Variants in SEM1 observed in about 807,000 individuals in gnomAD.
SEM1 encodes the protein 26S proteasome complex subunit SEM1.
In SEM1, 3 loss-of-function variants were observed where a neutral mutation model predicts 12.7. The ratio of observed to expected loss-of-function variants is 0.24; its 90% CI spans 0.11 to 0.61. The LOEUF (loss-of-function observed/expected upper bound fraction) is 0.61, where lower values mean the gene tolerates loss of function less well. Among genes scored for constraint, SEM1 ranks in the 20% least tolerant of loss-of-function variants. The pLI is 0.88. For missense variants in SEM1, 59 were observed against 81.3 expected (o/e 0.73, Z 1.06); for synonymous variants, 30 against 27.8 (o/e 1.08, Z -0.25).
chr7:96,571,396 G>C (rs188483071), intron 2 of SEM1, among the ~76,000 whole-genome samples: 138 of 151,952 alleles, frequency 9.1e-4, no homozygotes, highest in Admixed American at 4.6e-3. Flanking sequence ...TGTATGGAAG[G>C]GTTCCAGTTT....
In SEM1 at chr7:96,489,993, C is replaced by T. The variant is rs188707565; in HGVS notation, c.13-3576G>A. 2.2e-3 allele frequency among the ~76,000 whole-genome samples: 340 copies of T among 152,148 alleles called. 11 individuals are homozygous for T. The highest frequency in any genetic ancestry group is 0.022 in the Admixed American group (335 of 15,262). On this transcript the variant is annotated intron_variant, in intron 1 of 3. Coordinates refer to the SEM1 transcript ENST00000356686. ...AGGTTCTTGGTGGACATGAATTGTG[C>T]AGGGGCATTGTGAGGAGACACACTA...
intron 2 of SEM1, among the ~76,000 whole-genome samples, chr7:96,611,062 C>T (rs944015587): frequency 6.6e-6 from 1 of 152,154 alleles, no homozygotes; most frequent in Non-Finnish European, 1.5e-5. Flanking sequence ...GAAGTTGACA[C>T]AACACCCAGA....
intron 2 of SEM1, among the ~76,000 whole-genome samples, chr7:96,555,940 T>C (rs1383319352): frequency 1.4e-5 from 2 of 145,032 alleles, no homozygotes; most frequent in Non-Finnish European, 3.1e-5. Context: ...TTTACCATTA[T>C]GTAATGGCCT....
At chr7:96,505,010 A>C (rs1322009408) in intron 3 of SEM1, among the ~76,000 whole-genome samples, 1 of 151,818 alleles carries the variant, frequency 6.6e-6, no homozygotes, top group East Asian at 1.9e-4. Context: ...TATTAGCTGG[A>C]TCTAGCTTTC....
At position 96,611,988 on chromosome 7, in the gene SEM1, A is replaced by AC. The variant is rs538330182; in HGVS notation, c.170+82809dup. Among the ~76,000 whole-genome samples, 99 of 141,482 alleles carry AC rather than the reference A, an allele frequency of 7.0e-4. 1 individual carries two copies. Among genetic ancestry groups the AC allele is most frequent in the Non-Finnish European group, 8.3e-4 (55 of 66,008 alleles). The allele number at this position is 141,482 out of a possible 152,430, so 92.8% of individuals were successfully genotyped here. A position where few individuals can be genotyped will look rare whatever the true frequency, so the allele number is the denominator to read the frequency against. ...CCTCATTTTTTCCTTTCTCTTCCTTACCCCCCCAAATAAAAAAAGCATAGT... is the reference window on the plus strand; with the variant it reads ...CCTCATTTTTTCCTTTCTCTTCCTTACCCCCCCCAAATAAAAAAAGCATAGT... On this transcript the variant is annotated intron_variant and NMD_transcript_variant, in intron 2 of 3. Coordinates refer to the SEM1 transcript ENST00000466986.
At chr7:96,708,638 C>A (rs1017142296) in intron 1 of SEM1, among the ~76,000 whole-genome samples, 10 of 152,196 alleles carry the variant, frequency 6.6e-5, no homozygotes, top group Non-Finnish European at 1.2e-4. Context: ...CTGGCAACAG[C>A]AATCTCACAA....
At chr7:96,679,188 AAC>A (rs1236905321) in intron 2 of SEM1, among the ~76,000 whole-genome samples, 2 of 152,124 alleles carry the variant, frequency 1.3e-5, no homozygotes, top group African/African-American at 4.8e-5. Context: ...AAAAGACATA[AAC>A]ACACATTGTC....
intron 2 of SEM1, among the ~76,000 whole-genome samples, chr7:96,531,673 T>C (rs925227065): frequency 2.6e-5 from 4 of 151,426 alleles, no homozygotes; most frequent in African/African-American, 7.3e-5. Flanking sequence ...AAAGAAAACT[T>C]CCTAAGAGTT....
intron 2 of SEM1, among the ~76,000 whole-genome samples, chr7:96,616,504 T>C (rs563792157): frequency 1.3e-5 from 2 of 152,322 alleles, no homozygotes; most frequent in African/African-American, 2.4e-5. Flanking sequence ...AGGTTACCTG[T>C]TTGCAATGTT....
At chr7:96,675,981 T>C (rs1789441771) in intron 2 of SEM1, among the ~76,000 whole-genome samples, 1 of 152,220 alleles carries the variant, frequency 6.6e-6, no homozygotes, top group Admixed American at 6.5e-5. Flanking sequence ...TGGATTCTGT[T>C]GCAGGCAACC....
At chr7:96,514,456 T>A (rs182814236) in intron 2 of SEM1, among the ~76,000 whole-genome samples, 1 of 152,176 alleles carries the variant, frequency 6.6e-6, no homozygotes, top group Non-Finnish European at 1.5e-5. Flanking sequence ...GATATACAGA[T>A]GGGAAAGAAG....
chr7:96,613,249 C>T (rs1045781828), intron 2 of SEM1, among the ~76,000 whole-genome samples: 1 of 152,120 alleles, frequency 6.6e-6, no homozygotes, highest in Admixed American at 6.5e-5. Context: ...TCTTTTATCC[C>T]AGAGAAAAAG....
rs182306448 is a variant in SEM1, at chr7:96,574,940, C to T, written c.171-68242G>A. 3.2e-3 allele frequency among the ~76,000 whole-genome samples: 483 copies of T among 152,200 alleles called. 2 individuals are homozygous for T. The highest frequency in any genetic ancestry group is 0.011 in the African/African-American group (457 of 41,524). ...TTTAGCTTGGAGGAGTTTGTTATTA[C>T]GTACTTTCTGAAGCCTATTTCTGTC... On this transcript the variant is annotated intron_variant and NMD_transcript_variant, in intron 2 of 3. Transcript: ENST00000466986.
At chr7:96,486,893 T>TGCCCCTGGGAAAGGGAG (rs1217756248) in intron 1 of SEM1, among the ~76,000 whole-genome samples, 1 of 152,188 alleles carries the variant, frequency 6.6e-6, no homozygotes, top group Non-Finnish European at 1.5e-5. Context: ...TCTTCTTCTG[T>TGCCCCTGGGAAAGGGAG]GCCCCTGGGA....
In SEM1 at chr7:96,528,348, C is replaced by T. The variant is rs1216535531; in HGVS notation, c.171-21650G>A. On this transcript the variant is annotated intron_variant and NMD_transcript_variant, in intron 2 of 3. Transcript: ENST00000466986. Reference sequence around the variant, plus strand: ...ATCTGGGACTACAGGCGTGCCACCACACCTGGCTAATTTTTGTAATTTTAC... The same window carrying T: ...ATCTGGGACTACAGGCGTGCCACCATACCTGGCTAATTTTTGTAATTTTAC... Among the ~76,000 whole-genome samples the T allele has an allele frequency of 6.6e-5, 10 of 152,180 alleles. No homozygotes were observed. The East Asian group carries it at 1.9e-3, about 30-fold the overall frequency.
At chr7:96,483,547 G>T in exon 4 of SEM1, 1 of 364,960 alleles carries the variant, frequency 2.7e-6, no homozygotes, top group Non-Finnish European at 5.2e-6. Flanking sequence ...TATTGCATCA[G>T]CTACAGACTC....
chr7:96,621,096 A>G (rs184348424), downstream of SEM1, among the ~76,000 whole-genome samples: 418 of 152,300 alleles, frequency 2.7e-3, 5 homozygotes, highest in Non-Finnish European at 1.0e-3. Context: ...ACCAATGAGA[A>G]TCTACTGTAC....
At chr7:96,483,952 T>G (rs1584690174) in exon 4 of SEM1, 1 of 1,534,896 alleles carries the variant, frequency 6.5e-7, no homozygotes, top group African/African-American at 1.4e-5. Flanking sequence ...CCAAGGATGG[T>G]GGGGGGCTCA....
intron 2 of SEM1, among the ~76,000 whole-genome samples, chr7:96,543,132 A>G (rs1805005933): frequency 6.6e-6 from 1 of 151,978 alleles, no homozygotes; most frequent in South Asian, 2.1e-4. Flanking sequence ...TGTGGGTTCC[A>G]CATGTGTGTA....
Sources: allele counts gnomAD v4.1 joint callset (sites outside exome capture counted in the v4.1 genomes callset), GRCh38; gene constraint gnomAD v4.1.1; transcripts MANE v1.5; gene names NCBI Gene and HGNC (gene_info 2026-07-23, HGNC 2026-07-21).